ZEB1: variants seen among roughly 807,000 people sequenced by gnomAD.
The protein encoded by ZEB1 is zinc finger E-box binding homeobox 1.
A neutral mutation model predicts 84.9 loss-of-function variants in ZEB1; 21 were observed. That is an observed-to-expected ratio of 0.25 (90% CI 0.18 to 0.36). The LOEUF (loss-of-function observed/expected upper bound fraction) is 0.36, where lower values mean the gene tolerates loss of function less well. ZEB1 is among the 10% of genes least tolerant of loss of function. ZEB1 has a pLI of 1.00. For missense variants in ZEB1, 1,104 were observed against 1,330.2 expected (o/e 0.83, Z 2.65); for synonymous variants, 420 against 471.1 (o/e 0.89, Z 1.41).
chr10:31,452,732 TGTGTGTGTGTGAGAGAGAGAGA>T (rs1376461328), intron 1 of ZEB1, among the ~76,000 whole-genome samples: 36 of 111,886 alleles, frequency 3.2e-4, no homozygotes, highest in African/African-American at 1.6e-3. Context: ...TGTGTGTGTG[TGTGTGTGTGTGAGAGAGAGAGA>T]GAGAGAGAGA....
intron 1 of ZEB1, chr10:31,363,456 A>T: frequency 1.3e-6 from 2 of 1,533,922 alleles, no homozygotes; most frequent in South Asian, 1.2e-5. Context: ...ACCAGGAAGA[A>T]GTGAGGTTTC....
intron 2 of ZEB1, among the ~76,000 whole-genome samples, chr10:31,484,952 G>GTC (rs963279600): frequency 6.6e-6 from 1 of 151,772 alleles, no homozygotes; most frequent in Admixed American, 6.6e-5. Context: ...GTAATTCTCT[G>GTC]TCTCTCTCTC....
rs551524995 is a variant in ZEB1 at position 31,384,012 on chromosome 10, C to T, written c.58+64720C>T. Among the ~76,000 whole-genome samples, 30 of 127,500 alleles carry T rather than the reference C, an allele frequency of 2.4e-4. No homozygotes were observed. The South Asian group carries it at 5.9e-3, about 25-fold the overall frequency. 83.6% of individuals were successfully genotyped at this position (127,500 alleles called of 152,430 possible). A position where few individuals can be genotyped will look rare whatever the true frequency, so the allele number is the denominator to read the frequency against. On this transcript the variant is annotated intron_variant, in intron 1 of 8. Transcript: ENST00000424869. ...TTTTTGAGATAGAGTCTCACTCTGTCGCCCAGACTGGAGTGCAGTAGTGTG... is the reference window on the plus strand; with the variant it reads ...TTTTTGAGATAGAGTCTCACTCTGTTGCCCAGACTGGAGTGCAGTAGTGTG...
chr10:31,329,267 A>G (rs966210274), intron 1 of ZEB1, among the ~76,000 whole-genome samples: 1 of 152,146 alleles, frequency 6.6e-6, no homozygotes, highest in African/African-American at 2.4e-5. Flanking sequence ...AGAGTTTCAT[A>G]TAAACCGAAT....
At chr10:31,461,325 G>T in intron 2 of ZEB1, 88 bp downstream of exon 2, 6 of 1,388,142 alleles carry the variant, frequency 4.3e-6, no homozygotes, top group Non-Finnish European at 6.0e-6. Context: ...TGGATGAAAA[G>T]TTTGAAATCA....
At chr10:31,430,451 A>G (rs915336236) in intron 1 of ZEB1, among the ~76,000 whole-genome samples, 1 of 152,220 alleles carries the variant, frequency 6.6e-6, no homozygotes, top group Non-Finnish European at 1.5e-5. Context: ...TAAACTTAGC[A>G]TCTTAGACTG....
chr10:31,510,702 A>G lies in ZEB1; in HGVS notation c.514A>G (p.Thr172Ala), dbSNP rs755967689. ...GTPDAFSQLLTCPYCDRGYKR... is the reference protein window; with the variant it reads ...GTPDAFSQLLACPYCDRGYKR... Reference sequence around the variant, plus strand: ...ACCAGATGCATTTTCACAATTACTCACCTGTCCATATTGTGATAGAGGCTA... The same window carrying G: ...ACCAGATGCATTTTCACAATTACTCGCCTGTCCATATTGTGATAGAGGCTA... Residue 172 changes from threonine to alanine, a missense_variant, in exon 5 of 9, where the codon ACC becomes GCC. Transcript: ENST00000424869. 6.2e-6 allele frequency: 10 copies of G among 1,613,616 alleles called. No individual in the cohort carries two copies. The highest frequency in any genetic ancestry group is 8.5e-6 in the Non-Finnish European group (10 of 1,179,670).
intron 1 of ZEB1, among the ~76,000 whole-genome samples, chr10:31,448,741 G>A (rs1255693129): frequency 1.3e-5 from 2 of 152,158 alleles, no homozygotes; most frequent in African/African-American, 4.8e-5. Flanking sequence ...CAGGGGTCAG[G>A]GACCCACTTG....
intron 2 of ZEB1, among the ~76,000 whole-genome samples, chr10:31,462,988 AG>A (rs2061984668): frequency 6.6e-6 from 1 of 152,202 alleles, no homozygotes; most frequent in African/African-American, 2.4e-5. Flanking sequence ...GTTTCTAGAA[AG>A]TGAGACTCAG....
chr10:31,464,501 A>G (rs780515152), intron 2 of ZEB1, among the ~76,000 whole-genome samples: 2 of 152,222 alleles, frequency 1.3e-5, no homozygotes, highest in East Asian at 1.9e-4. Flanking sequence ...AGTGAAAAAC[A>G]CCATACTACA....
intron 2 of ZEB1, among the ~76,000 whole-genome samples, chr10:31,480,939 T>A (rs1251593628): frequency 6.6e-6 from 1 of 152,088 alleles, no homozygotes; most frequent in African/African-American, 2.4e-5. Context: ...AATTATTTAT[T>A]TTTTGAGGGA....
At chr10:31,484,443 A>G (rs2065463886) in intron 2 of ZEB1, among the ~76,000 whole-genome samples, 1 of 152,026 alleles carries the variant, frequency 6.6e-6, no homozygotes, top group African/African-American at 2.4e-5. Flanking sequence ...ACTGTAATGA[A>G]GCAGGTTACT....
chr10:31,381,452 T>C (rs189482459), intron 1 of ZEB1, among the ~76,000 whole-genome samples: 5 of 152,286 alleles, frequency 3.3e-5, no homozygotes, highest in Non-Finnish European at 7.4e-5. Context: ...TGAAACAATT[T>C]TAAGATTCAA....
intron 1 of ZEB1, among the ~76,000 whole-genome samples, chr10:31,449,096 T>A (rs1029704200): frequency 6.6e-6 from 1 of 152,160 alleles, no homozygotes; most frequent in Non-Finnish European, 1.5e-5. Context: ...CTGAGCCAGG[T>A]GTGGGATATA....
At chr10:31,412,214 A>T (rs1270309939) in intron 1 of ZEB1, among the ~76,000 whole-genome samples, 1 of 152,200 alleles carries the variant, frequency 6.6e-6, no homozygotes, top group Admixed American at 6.5e-5. Context: ...TAATTTTTAA[A>T]TTATGATGTC....
Position 31,521,361 on chromosome 10 carries a change from A to G in ZEB1, c.2029A>G (p.Asn677Asp), listed in dbSNP as rs1418461909. ...AAATGAACCCCAGGACAGCACAGTA[A>G]ATCTACAAAGTCCTTTGAAGATGAC... is the stretch of plus-strand genomic sequence containing the variant. Reference protein sequence around the residue: ...NANEPQDSTVNLQSPLKMTNS... With the variant: ...NANEPQDSTVDLQSPLKMTNS... Residue 677 changes from asparagine to aspartate, a missense_variant, in exon 7 of 9, where the codon AAT (asparagine) becomes GAT (aspartate). This residue lies in a region of ZEB1 where 531 missense variants were observed against 575.2 expected (regional missense o/e 0.92). Coordinates refer to ENST00000424869, the MANE Select transcript of ZEB1 (RefSeq NM_001174096.2). 1 of 1,614,046 alleles carries G rather than the reference A, an allele frequency of 6.2e-7. No individual in the cohort carries two copies. The highest frequency in any genetic ancestry group is 8.5e-7 in the Non-Finnish European group (1 of 1,179,990).
intron 2 of ZEB1, among the ~76,000 whole-genome samples, chr10:31,474,985 C>T (rs1486535856): frequency 6.6e-6 from 1 of 150,894 alleles, no homozygotes; most frequent in African/African-American, 2.4e-5. Flanking sequence ...ACCGCATATT[C>T]TCACTCATAG....
At chr10:31,325,231 A>G (rs1432182989) in intron 1 of ZEB1, among the ~76,000 whole-genome samples, 1 of 152,054 alleles carries the variant, frequency 6.6e-6, no homozygotes, top group Non-Finnish European at 1.5e-5. Flanking sequence ...GAACTTCATT[A>G]ATTTTGTTAA....
At chr10:31,330,074 T>G (rs1252003737) in intron 1 of ZEB1, among the ~76,000 whole-genome samples, 2 of 152,168 alleles carry the variant, frequency 1.3e-5, no homozygotes, top group Non-Finnish European at 2.9e-5. Context: ...TTTTATTCAT[T>G]TAAGCTTTGT....
Sources: gnomAD v4.1 joint callset for allele counts (sites outside exome capture counted in the v4.1 genomes callset) on GRCh38, gnomAD v4.1.1 for gene constraint, gnomAD v4.1.1 regional missense constraint, MANE v1.5 for transcripts, NCBI Gene and HGNC (gene_info 2026-07-23, HGNC 2026-07-21) for gene names.